Variants in ANTXRL observed in about 807,000 individuals in gnomAD.
ANTXRL encodes the protein anthrax toxin receptor-like.
ANTXRL carries 63 observed loss-of-function variants against 75.4 expected under a neutral mutation model. The ratio of observed to expected loss-of-function variants is 0.84; its 90% CI spans 0.68 to 1.03. The LOEUF is 1.03. Among genes scored for constraint, ANTXRL ranks in the 50% least tolerant of loss-of-function variants. The pLI, the probability that ANTXRL is intolerant of heterozygous loss-of-function variation, is 0.00. For synonymous variants in ANTXRL, 335 were observed against 291.3 expected, an observed-to-expected ratio of 1.15 and a Z score of -1.53; for missense variants, 797 against 789.4, an observed-to-expected ratio of 1.01 and a Z score of -0.12.
chr10:46,315,978 T>C (rs1320453049), intron 16 of ANTXRL, among the ~76,000 whole-genome samples: 1 of 152,110 alleles, frequency 6.6e-6, no homozygotes, highest in African/African-American at 2.4e-5. Context: ...CCATCCCCAC[T>C]ACACACTTAT....
At chr10:46,302,268 G>A (rs1213215716) in intron 9 of ANTXRL, among the ~76,000 whole-genome samples, 1 of 152,142 alleles carries the variant, frequency 6.6e-6, no homozygotes, top group Non-Finnish European at 1.5e-5. Context: ...CCCTGAAGGA[G>A]GCATCCAGGC....
chr10:46,323,850 C>T (rs1468498472), intron 16 of ANTXRL, among the ~76,000 whole-genome samples: 1 of 152,040 alleles, frequency 6.6e-6, no homozygotes, highest in Admixed American at 6.6e-5. Context: ...GTAAAGATTC[C>T]CATACTGCAT....
intron 15 of ANTXRL, 68 bp from the exon 16 acceptor site, chr10:46,313,168 G>T (rs1414270118): frequency 7.5e-7 from 1 of 1,333,802 alleles, no homozygotes; most frequent in South Asian, 1.3e-5. Context: ...GGGGGCTGGG[G>T]AGTCCTGATG....
Position 46,311,941 on chromosome 10 carries a change from C to A in ANTXRL, c.1329+276C>A, listed in dbSNP as rs1430101006. On this transcript the variant is annotated intron_variant, in intron 15 of 16. Coordinates refer to ENST00000620264, the MANE Select transcript of ANTXRL (RefSeq NM_001278688.3). ...AAGGATCCATGTTTCTGTACAGTGG[C>A]AGCTTTTGATGTCTGACCAGTCCCT... Among the ~76,000 whole-genome samples the A allele has an allele frequency of 3.6e-4, 54 of 149,442 alleles. 4 individuals carry two copies. The highest frequency in any genetic ancestry group is 2.4e-3 in the Admixed American group (36 of 14,888).
chr10:46,324,075 G>T (rs1839101047), intron 16 of ANTXRL, among the ~76,000 whole-genome samples: 1 of 152,172 alleles, frequency 6.6e-6, no homozygotes, highest in Non-Finnish European at 1.5e-5. Flanking sequence ...GAAAATTGAA[G>T]TTTTTCCATC....
intron 16 of ANTXRL, among the ~76,000 whole-genome samples, chr10:46,326,093 T>G (rs1588874075): frequency 2.1e-5 from 2 of 94,370 alleles, no homozygotes; most frequent in African/African-American, 3.8e-5. Context: ...GGCATCTGGG[T>G]TTTTTTTTTT....
At chr10:46,293,427 C>T (rs368908644) in intron 2 of ANTXRL, among the ~76,000 whole-genome samples, 20 of 127,900 alleles carry the variant, frequency 1.6e-4, no homozygotes, top group African/African-American at 5.6e-4. Context: ...TGGGTGTGTG[C>T]GTGTATGGGT....
chr10:46,330,110 G>A lies in ANTXRL; in HGVS notation c.*26G>A. The A allele has an allele frequency of 6.8e-7, 1 of 1,478,710 alleles. No individual in the cohort carries two copies. The highest frequency in any genetic ancestry group is 2.5e-5 in the East Asian group (1 of 40,410). 91.6% of individuals were successfully genotyped at this position (1,478,710 alleles called of 1,614,324 possible). A position where few individuals can be genotyped will look rare whatever the true frequency, so the allele number is the denominator to read the frequency against. ...GGCACCAAACACCCAAGATTAACAG[G>A]CTTTTGTTGCTGAACTGGACATATA... On this transcript the variant is annotated 3_prime_UTR_variant, in exon 17 of 17. Transcript: ENST00000620264.
chr10:46,315,241 A>G (rs1282698395), intron 16 of ANTXRL, among the ~76,000 whole-genome samples: 15 of 152,230 alleles, frequency 9.9e-5, no homozygotes, highest in Non-Finnish European at 1.9e-4. Flanking sequence ...CTTCCTGCTC[A>G]GAGACACTGG....
At chr10:46,302,688 T>G in intron 9 of ANTXRL, 34 bp from the exon 10 acceptor site, 1 of 1,462,658 alleles carries the variant, frequency 6.8e-7, no homozygotes. Flanking sequence ...CCCCTACTCT[T>G]CCTCACTCAG....
At chr10:46,299,866 T>C (rs1426360093) in intron 9 of ANTXRL, among the ~76,000 whole-genome samples, 3 of 152,132 alleles carry the variant, frequency 2.0e-5, no homozygotes, top group Non-Finnish European at 2.9e-5. Context: ...CTTCCATGAT[T>C]GGTCCTGGGC....
chr10:46,288,445 G>A (rs1318333171), intron 1 of ANTXRL, among the ~76,000 whole-genome samples: 1 of 152,198 alleles, frequency 6.6e-6, no homozygotes, highest in Middle Eastern at 3.4e-3. Context: ...CAGCATCGCA[G>A]GTTGAAATTC....
chr10:46,326,111 T>C (rs1478264159), intron 16 of ANTXRL, among the ~76,000 whole-genome samples: 1 of 151,730 alleles, frequency 6.6e-6, no homozygotes, highest in Non-Finnish European at 1.5e-5. Context: ...TTTTTTCATC[T>C]TCATGCTAAA....
In ANTXRL at chr10:46,298,064, T is replaced by G. The variant is rs782744335; in HGVS notation, c.796+2T>G. On this transcript the variant is annotated splice_donor_variant, in intron 9 of 16. Transcript: ENST00000620264. LOFTEE classifies it high-confidence loss of function. ...AGCCTTCCTCTGAGTGTGTAGGAGG[T>G]GAGAGCTGCGGAGGCCCTGGGGTAG... The G allele has an allele frequency of 1.3e-6, 2 of 1,535,070 alleles. No homozygotes were observed. The highest frequency in any genetic ancestry group is 2.4e-5 in the South Asian group (2 of 83,998).
At chr10:46,307,274 CT>C in intron 11 of ANTXRL, 127 bp from the exon 12 acceptor site, 1 of 726,816 alleles carries the variant, frequency 1.4e-6, no homozygotes, top group Non-Finnish European at 2.4e-6. Flanking sequence ...CCCACTTACC[CT>C]TTGGTCATCA....
intron 16 of ANTXRL, among the ~76,000 whole-genome samples, chr10:46,327,884 A>G (rs1839303355): frequency 6.6e-6 from 1 of 152,142 alleles, no homozygotes; most frequent in Admixed American, 6.5e-5. Context: ...GGAAACCACA[A>G]GCATTGATGG....
intron 9 of ANTXRL, among the ~76,000 whole-genome samples, chr10:46,298,745 T>A (rs1331807671): frequency 3.3e-5 from 5 of 150,826 alleles, no homozygotes; most frequent in Non-Finnish European, 7.4e-5. Flanking sequence ...TCTTTGGTAT[T>A]TTTGGTGTAT....
intron 16 of ANTXRL, among the ~76,000 whole-genome samples, chr10:46,320,281 A>C (rs1414283212): frequency 6.6e-6 from 1 of 152,154 alleles, no homozygotes; most frequent in Non-Finnish European, 1.5e-5. Flanking sequence ...ATTTAGAGCT[A>C]ATCATTAAAT....
intron 16 of ANTXRL, among the ~76,000 whole-genome samples, chr10:46,326,843 G>A (rs1315812852): frequency 6.6e-6 from 1 of 152,126 alleles, no homozygotes; most frequent in Non-Finnish European, 1.5e-5. Flanking sequence ...CCAGGTGGAG[G>A]TCTGGGCCAA....
Sources: allele counts gnomAD v4.1 joint callset (sites outside exome capture counted in the v4.1 genomes callset), GRCh38; gene constraint gnomAD v4.1.1; transcripts MANE v1.5; gene names NCBI Gene and HGNC (gene_info 2026-07-23, HGNC 2026-07-21).